Variants in TNS3 observed in about 807,000 individuals in gnomAD.
TNS3 encodes tensin-3.
A neutral mutation model predicts 140.9 loss-of-function variants in TNS3; 45 were observed. The observed-to-expected ratio is 0.32, with a 90% CI of 0.25 to 0.41. The LOEUF is 0.41. TNS3 is among the 10% of genes least tolerant of loss of function. The pLI is 1.00. For synonymous variants in TNS3, 815 were observed against 788.4 expected, an observed-to-expected ratio of 1.03 and a Z score of -0.56; for missense variants, 1,716 against 1,906.7, an observed-to-expected ratio of 0.90 and a Z score of 1.86.
At chr7:47,474,145 C>CACACAA (rs1554336730) in intron 4 of TNS3, among the ~76,000 whole-genome samples, 1 of 137,276 alleles carries the variant, frequency 7.3e-6, no homozygotes, top group African/African-American at 2.7e-5. Flanking sequence ...CACACACACA[C>CACACAA]AACACACATA....
chr7:47,333,875 C>A (rs534027481), intron 20 of TNS3, among the ~76,000 whole-genome samples: 21 of 152,276 alleles, frequency 1.4e-4, no homozygotes, highest in Non-Finnish European at 2.6e-4. Context: ...CTAGCATATT[C>A]ATAGGCTGAA....
chr7:47,438,039 A>AAATAAT (rs56039512), intron 6 of TNS3, among the ~76,000 whole-genome samples: 301 of 147,690 alleles, frequency 2.0e-3, no homozygotes, highest in East Asian at 4.6e-3. Context: ...TTCAAAATGA[A>AAATAAT]AATAATAATA....
Position 47,276,257 on chromosome 7 carries a change from T to G in TNS3, c.*1819A>C, listed in dbSNP as rs1266296251. 5.3e-6 allele frequency: 1 copy of G among 190,022 alleles called. No individual in the cohort carries two copies. Among genetic ancestry groups the G allele is most frequent in the Non-Finnish European group, 1.1e-5 (1 of 91,250 alleles). 11.8% of individuals were successfully genotyped at this position (190,022 alleles called of 1,614,324 possible). ...CACAGAAATGAGGCACTTGGTTTGG[T>G]GCATCAATAGGAGCTAAAAAGTGGA... On this transcript the variant is annotated 3_prime_UTR_variant, in exon 31 of 31. Transcript: ENST00000311160.
intron 2 of TNS3, among the ~76,000 whole-genome samples, chr7:47,507,460 A>G (rs1798461256): frequency 6.6e-6 from 1 of 152,210 alleles, no homozygotes; most frequent in Non-Finnish European, 1.5e-5. Context: ...AAAGTCGTGC[A>G]TCTGGATTTC....
chr7:47,379,822 C>T (rs1240246073), intron 16 of TNS3, among the ~76,000 whole-genome samples: 1 of 152,224 alleles, frequency 6.6e-6, no homozygotes, highest in Non-Finnish European at 1.5e-5. Context: ...ACCAGGACAC[C>T]TTGCTGAGAC....
chr7:47,427,123 CA>C (rs61383259), intron 9 of TNS3, among the ~76,000 whole-genome samples: 3,319 of 106,770 alleles, frequency 0.031, 88 homozygotes, highest in African/African-American at 0.1. Context: ...AAGACTCTGT[CA>C]AAAAAAAAAA....
chr7:47,470,905 G>A (rs1030171174), intron 4 of TNS3, among the ~76,000 whole-genome samples: 8 of 151,706 alleles, frequency 5.3e-5, no homozygotes, highest in African/African-American at 1.7e-4. Context: ...AAGGGAGAGC[G>A]CCTGCTTGTG....
intron 4 of TNS3, among the ~76,000 whole-genome samples, chr7:47,472,511 C>G (rs1371439100): frequency 1.3e-5 from 2 of 152,178 alleles, no homozygotes; most frequent in Non-Finnish European, 2.9e-5. Flanking sequence ...TAGGGAGAAA[C>G]TTTCAAAGGG....
rs558460185 is a variant in TNS3, at chr7:47,530,504, T to C, written c.-264-1357A>G. Among the ~76,000 whole-genome samples the C allele has an allele frequency of 3.3e-5, 5 of 151,632 alleles. No homozygotes were observed. In the East Asian group the frequency reaches 9.7e-4, roughly 29 times the overall value. ...AACTTTTTCAAACCAGGAGGAAAAC[T>C]ATAAACCCACAGATCCAAGAAACTC... On this transcript the variant is annotated intron_variant, in intron 1 of 30. Transcript: ENST00000311160.
intron 1 of TNS3, among the ~76,000 whole-genome samples, chr7:47,562,091 T>A (rs1437189962): frequency 3.3e-5 from 5 of 152,176 alleles, no homozygotes; most frequent in African/African-American, 1.2e-4. Flanking sequence ...TGCAATACAG[T>A]TTGATAGGTA....
At chr7:47,348,270 G>C (rs996302720) in intron 17 of TNS3, among the ~76,000 whole-genome samples, 2 of 152,224 alleles carry the variant, frequency 1.3e-5, no homozygotes, top group African/African-American at 4.8e-5. Flanking sequence ...CATGGCCACA[G>C]ACAAGTGACT....
rs192904388 is a variant in TNS3 at position 47,522,785 on chromosome 7, G to A, written c.-153+6251C>T. ...CTACTAAAAATACAAAAAATTAGCC[G>A]GGTGTGGTGGCGGGCGCCTGTAGTC... On this transcript the variant is annotated intron_variant, in intron 2 of 30. Coordinates refer to ENST00000311160, the MANE Select transcript of TNS3 (RefSeq NM_022748.12). Among the ~76,000 whole-genome samples, 1,039 of 152,124 alleles carry A rather than the reference G, an allele frequency of 6.8e-3. 13 individuals are homozygous for A. Among genetic ancestry groups the A allele is most frequent in the African/African-American group, 0.02 (839 of 41,510 alleles).
chr7:47,397,215 C>T (rs574301931), intron 15 of TNS3, among the ~76,000 whole-genome samples: 4 of 152,116 alleles, frequency 2.6e-5, no homozygotes, highest in Middle Eastern at 3.2e-3. Flanking sequence ...CACAGAGGCC[C>T]GGTAAGCTGT....
intron 3 of TNS3, among the ~76,000 whole-genome samples, chr7:47,501,808 A>C (rs1798236580): frequency 6.6e-6 from 1 of 152,188 alleles, no homozygotes; most frequent in South Asian, 2.1e-4. Context: ...CGGATGTATG[A>C]GCAGAGCCTT....
chr7:47,470,019 G>A (rs1796885857), intron 4 of TNS3, among the ~76,000 whole-genome samples: 1 of 147,040 alleles, frequency 6.8e-6, no homozygotes, highest in South Asian at 2.2e-4. Flanking sequence ...GTACACCATG[G>A]AATACTACAA....
intron 7 of TNS3, among the ~76,000 whole-genome samples, chr7:47,436,257 ATACTC>A (rs781627959): frequency 1.3e-5 from 2 of 152,202 alleles, no homozygotes; most frequent in East Asian, 1.9e-4. Context: ...CATAAATTCT[ATACTC>A]TACTATTGTT....
chr7:47,480,857 T>C (rs1797389039), intron 4 of TNS3, among the ~76,000 whole-genome samples: 2 of 152,214 alleles, frequency 1.3e-5, no homozygotes, highest in African/African-American at 2.4e-5. Context: ...AAGGTAACTA[T>C]TACTGATAGA....
Position 47,293,844 on chromosome 7 carries a change from T to C in TNS3, c.3677-16A>G, listed in dbSNP as rs762104082. The C allele has an allele frequency of 1.9e-6, 3 of 1,613,756 alleles. No homozygotes were observed. Among genetic ancestry groups the C allele is most frequent in the Non-Finnish European group, 2.5e-6 (3 of 1,179,652 alleles). ...AAATCTCCAGCTGTGGCAAGAAATT[T>C]AAAGAAAGAAGAATTTTTTGAAAAT... On this transcript the variant is annotated splice_polypyrimidine_tract_variant and intron_variant, in intron 24 of 30. Coordinates refer to ENST00000311160, the MANE Select transcript of TNS3 (RefSeq NM_022748.12).
In TNS3 at chr7:47,365,494, C is replaced by T. The variant is rs551818127; in HGVS notation, c.2281+2871G>A. 2.8e-4 allele frequency among the ~76,000 whole-genome samples: 39 copies of T among 139,220 alleles called. 1 individual carries two copies. In the Middle Eastern group the frequency reaches 0.031, roughly 110 times the overall value. 91.3% of individuals were successfully genotyped at this position (139,220 alleles called of 152,430 possible). A position where few individuals can be genotyped will look rare whatever the true frequency, so the allele number is the denominator to read the frequency against. Reference sequence around the variant, plus strand: ...AAGTAACGAGTTTGGCTGGGAGCAACGGCTCATGCCTGTAATCCCAGCACT... The same window carrying T: ...AAGTAACGAGTTTGGCTGGGAGCAATGGCTCATGCCTGTAATCCCAGCACT... On this transcript the variant is annotated intron_variant, in intron 17 of 30. Coordinates refer to ENST00000311160, the MANE Select transcript of TNS3 (RefSeq NM_022748.12).
Sources: gnomAD v4.1 joint callset for allele counts (sites outside exome capture counted in the v4.1 genomes callset) on GRCh38, gnomAD v4.1.1 for gene constraint, MANE v1.5 for transcripts, NCBI Gene and HGNC (gene_info 2026-07-23, HGNC 2026-07-21) for gene names.